The following CELF4 variants were observed in gnomAD, a reference collection of about 807,000 sequenced individuals.
The protein encoded by CELF4 is CUGBP Elav-like family member 4, also known as CUG-BP- and ETR-3-like factor 4.
CELF4 carries 18 observed loss-of-function variants against 59.9 expected under a neutral mutation model. That is an observed-to-expected ratio of 0.30 (90% CI 0.21 to 0.45). CELF4 has a LOEUF of 0.45. Ranked by LOEUF, CELF4 falls within the 20% of genes least tolerant of loss-of-function variation. CELF4 has a pLI of 1.00. For missense variants in CELF4, 456 were observed against 689.0 expected (o/e 0.66, Z 3.79); for synonymous variants, 261 against 267.1 (o/e 0.98, Z 0.22).
chr18:37,553,319 T>C (rs2099983807), intron 1 of CELF4, among the ~76,000 whole-genome samples: 1 of 151,924 alleles, frequency 6.6e-6, no homozygotes, highest in South Asian at 2.1e-4. Flanking sequence ...GGGTGGTGAG[T>C]GTACCAATTG....
intron 1 of CELF4, among the ~76,000 whole-genome samples, chr18:37,520,866 T>A (rs955057810): frequency 1.3e-5 from 2 of 152,164 alleles, no homozygotes; most frequent in African/African-American, 4.8e-5. Flanking sequence ...TGCCAGGGCT[T>A]CAGGCTTTGG....
At chr18:37,393,885 C>A (rs2099200617) in intron 2 of CELF4, among the ~76,000 whole-genome samples, 6 of 139,832 alleles carry the variant, frequency 4.3e-5, no homozygotes, top group Admixed American at 2.1e-4. Flanking sequence ...TTTTAAGCAA[C>A]ACCAATAATT....
At chr18:37,487,512 C>T (rs2099883642) in intron 1 of CELF4, among the ~76,000 whole-genome samples, 1 of 152,326 alleles carries the variant, frequency 6.6e-6, no homozygotes, top group South Asian at 2.1e-4. Flanking sequence ...CTCCTCCCTC[C>T]TGGTCACTGG....
At chr18:37,513,940 C>T (rs2099947508) in intron 1 of CELF4, among the ~76,000 whole-genome samples, 1 of 108,680 alleles carries the variant, frequency 9.2e-6, no homozygotes, top group Admixed American at 1.1e-4. Flanking sequence ...CTGTGTGGTG[C>T]CGTGTGTGTG....
At chr18:37,525,839 G>T (rs1230178455) in intron 1 of CELF4, among the ~76,000 whole-genome samples, 1 of 152,166 alleles carries the variant, frequency 6.6e-6, no homozygotes, top group Non-Finnish European at 1.5e-5. Context: ...AAGATCCCTT[G>T]TTCACAGTCT....
intron 3 of CELF4, among the ~76,000 whole-genome samples, chr18:37,280,759 G>A (rs1226886857): frequency 1.3e-5 from 2 of 152,218 alleles, no homozygotes; most frequent in Admixed American, 6.5e-5. Flanking sequence ...TGCAAGAAGG[G>A]GACGCTGAGG....
At chr18:37,265,141 CATGT>C (rs1363723046) in intron 9 of CELF4, among the ~76,000 whole-genome samples, 1 of 148,000 alleles carries the variant, frequency 6.8e-6, no homozygotes, top group African/African-American at 2.5e-5. Context: ...TGCATACATG[CATGT>C]GTGTGGGTGT....
chr18:37,517,524 G>C (rs1413179852), intron 1 of CELF4, among the ~76,000 whole-genome samples: 2 of 152,112 alleles, frequency 1.3e-5, no homozygotes, highest in Non-Finnish European at 2.9e-5. Context: ...ACACTGTCCA[G>C]GTTTTAGCAC....
At chr18:37,365,262 C>G (rs2098760627) in intron 2 of CELF4, among the ~76,000 whole-genome samples, 1 of 152,122 alleles carries the variant, frequency 6.6e-6, no homozygotes, top group Non-Finnish European at 1.5e-5. Flanking sequence ...CAGTGTGGGT[C>G]TCAAGCACCC....
chr18:37,309,829 C>T (rs1413709172), intron 3 of CELF4, among the ~76,000 whole-genome samples: 1 of 148,240 alleles, frequency 6.7e-6, no homozygotes, highest in Non-Finnish European at 1.5e-5. Context: ...TCTAGGATGC[C>T]ACATTTTTGC....
At chr18:37,314,290 T>C (rs2096782103) in intron 3 of CELF4, among the ~76,000 whole-genome samples, 1 of 152,060 alleles carries the variant, frequency 6.6e-6, no homozygotes, top group South Asian at 2.1e-4. Context: ...CTACTAAAAA[T>C]ACACACACAC....
Position 37,482,128 on chromosome 18 carries a change from C to T in CELF4, c.369+3397G>A, listed in dbSNP as rs537225227. ...GATATTTGTGTGTGTGTGTGGCTTC[C>T]ATCCCCAACTTGGTGGTCAACTCCA... On this transcript the variant is annotated intron_variant, in intron 2 of 12. Transcript: ENST00000420428. Among the ~76,000 whole-genome samples, 38 of 152,164 alleles carry T rather than the reference C, an allele frequency of 2.5e-4. No individual in the cohort carries two copies. The South Asian group carries it at 7.7e-3, about 31-fold the overall frequency.
intron 2 of CELF4, among the ~76,000 whole-genome samples, chr18:37,325,030 AAG>A (rs2097256548): frequency 6.6e-6 from 1 of 152,048 alleles, no homozygotes. Context: ...GTGTGGGGGA[AAG>A]AGAGGAGAGC....
chr18:37,544,899 A>G lies in CELF4; in HGVS notation c.286+20457T>C, dbSNP rs532024926. 1.4e-4 allele frequency among the ~76,000 whole-genome samples: 22 copies of G among 152,232 alleles called. 1 individual carries two copies. Among genetic ancestry groups the G allele is most frequent in the African/African-American group, 5.1e-4 (21 of 41,526 alleles). On this transcript the variant is annotated intron_variant, in intron 1 of 12. Transcript: ENST00000420428. ...TGAGGAAGCCGCAGCATTGTTGACA[A>G]CTTGGACAGGGAGCTGATCCTGGGG... is the stretch of plus-strand genomic sequence containing the variant.
At chr18:37,266,863 G>C (rs898402565) in intron 8 of CELF4, among the ~76,000 whole-genome samples, 1 of 152,112 alleles carries the variant, frequency 6.6e-6, no homozygotes, top group East Asian at 1.9e-4. Context: ...GGGGTAAGAT[G>C]GGGGCTCATG....
rs570068759 is a variant in CELF4, at chr18:37,285,108, G to A, written c.449-9865C>T. Among the ~76,000 whole-genome samples, 3 of 152,326 alleles carry A rather than the reference G, an allele frequency of 2.0e-5. No individual in the cohort carries two copies. In the East Asian group the frequency reaches 5.8e-4, roughly 29 times the overall value. ...GAGCCCCAAGGGGTGAGTGGGTGGG[G>A]CACCCATAGCCTGCTGCTAGCTGCA... On this transcript the variant is annotated intron_variant, in intron 3 of 12. Coordinates refer to ENST00000420428, the MANE Select transcript of CELF4 (RefSeq NM_020180.4).
chr18:37,379,507 C>CAAAAAAAAAAAAAA (rs56250210), intron 2 of CELF4, among the ~76,000 whole-genome samples: 6 of 45,706 alleles, frequency 1.3e-4, no homozygotes, highest in African/African-American at 5.7e-4. Context: ...AGGCCATAAG[C>CAAAAAAAAAAAAAA]AAAAAAAAAA....
intron 2 of CELF4, among the ~76,000 whole-genome samples, chr18:37,352,953 A>G (rs113129891): frequency 0.047 from 7,107 of 152,098 alleles, 204 homozygotes; most frequent in Admixed American, 0.086. Context: ...CGGGCGCGGT[A>G]GCTCACGCCT....
intron 2 of CELF4, among the ~76,000 whole-genome samples, chr18:37,452,353 G>A (rs1200387284): frequency 6.6e-6 from 1 of 151,954 alleles, no homozygotes; most frequent in Non-Finnish European, 1.5e-5. Flanking sequence ...GGGGAAACAG[G>A]CGGTGCCTGC....
Sources: allele counts gnomAD v4.1 joint callset (sites outside exome capture counted in the v4.1 genomes callset), GRCh38; gene constraint gnomAD v4.1.1; transcripts MANE v1.5; gene names NCBI Gene and HGNC (gene_info 2026-07-23, HGNC 2026-07-21).